The following CAMK1D variants were observed in gnomAD, a reference collection of about 807,000 sequenced individuals.
CAMK1D encodes calcium/calmodulin-dependent protein kinase type 1D.
CAMK1D carries 9 observed loss-of-function variants against 47.7 expected under a neutral mutation model. The ratio of observed to expected loss-of-function variants is 0.19; its 90% CI spans 0.11 to 0.33. The LOEUF (loss-of-function observed/expected upper bound fraction) is 0.33. Among genes scored for constraint, CAMK1D ranks in the 10% least tolerant of loss-of-function variants. The pLI, the probability that CAMK1D is intolerant of heterozygous loss-of-function variation, is 1.00. For synonymous variants in CAMK1D, 184 were observed against 184.9 expected (o/e 0.99, Z 0.04); for missense variants, 291 against 488.7 (o/e 0.60, Z 3.81).
At chr10:12,615,587 GTGTGTAT>G (rs1169486359) in intron 2 of CAMK1D, among the ~76,000 whole-genome samples, 1 of 13,358 alleles carries the variant, frequency 7.5e-5, no homozygotes, top group African/African-American at 8.6e-5. Context: ...GTGTGTGTAG[GTGTGTAT>G]TGTGTTTGCA....
At chr10:12,679,877 C>T (rs1229177303) in intron 3 of CAMK1D, among the ~76,000 whole-genome samples, 1 of 152,198 alleles carries the variant, frequency 6.6e-6, no homozygotes, top group Non-Finnish European at 1.5e-5. Context: ...AGGGTGTCTG[C>T]TCCACCAGGG....
At chr10:12,563,672 A>AGG (rs199613499) in intron 2 of CAMK1D, among the ~76,000 whole-genome samples, 4,520 of 102,994 alleles carry the variant, frequency 0.044, 113 homozygotes, top group African/African-American at 0.099. Context: ...TTTGAGAGAG[A>AGG]GAGAGAGAGA....
At chr10:12,823,384 G>A (rs973522428) in intron 8 of CAMK1D, among the ~76,000 whole-genome samples, 5 of 152,100 alleles carry the variant, frequency 3.3e-5, no homozygotes, top group Non-Finnish European at 5.9e-5. Flanking sequence ...AAGGGAAGAG[G>A]GAAGGATCAA....
chr10:12,374,937 C>T (rs923218885), intron 1 of CAMK1D, among the ~76,000 whole-genome samples: 3 of 105,970 alleles, frequency 2.8e-5, no homozygotes, highest in African/African-American at 7.1e-5. Context: ...GGTAAGACTC[C>T]GTCTCAAAAA....
Position 12,464,961 on chromosome 10 carries a change from A to T in CAMK1D, c.93-88264A>T, listed in dbSNP as rs576153164. Among the ~76,000 whole-genome samples, 4 of 152,300 alleles carry T rather than the reference A, an allele frequency of 2.6e-5. No individual in the cohort carries two copies. In the South Asian group the frequency reaches 8.3e-4, roughly 32 times the overall value. On this transcript the variant is annotated intron_variant, in intron 1 of 10. Transcript: ENST00000619168. Reference sequence around the variant, plus strand: ...ATTCAACAGCACACACATTCCTGAGACGTTCTGGATATTGGGCAAGGAATA... The same window carrying T: ...ATTCAACAGCACACACATTCCTGAGTCGTTCTGGATATTGGGCAAGGAATA...
chr10:12,366,110 A>G (rs1837827521), intron 1 of CAMK1D, among the ~76,000 whole-genome samples: 1 of 152,218 alleles, frequency 6.6e-6, no homozygotes, highest in Non-Finnish European at 1.5e-5. Context: ...CTCTTGAAAC[A>G]TAGCTGTTAT....
At chr10:12,586,845 TCATGTTCC>T (rs1837833323) in intron 2 of CAMK1D, among the ~76,000 whole-genome samples, 1 of 152,240 alleles carries the variant, frequency 6.6e-6, no homozygotes, top group African/African-American at 2.4e-5. Flanking sequence ...TCCAAGTCCC[TCATGTTCC>T]CATACTTATT....
At chr10:12,740,475 G>C (rs1835379509) in intron 3 of CAMK1D, among the ~76,000 whole-genome samples, 1 of 152,210 alleles carries the variant, frequency 6.6e-6, no homozygotes, top group South Asian at 2.1e-4. Context: ...GCAAGTGCCT[G>C]TAGTCCCAGC....
At chr10:12,449,208 T>C (rs1315085106) in intron 1 of CAMK1D, among the ~76,000 whole-genome samples, 2 of 152,132 alleles carry the variant, frequency 1.3e-5, no homozygotes. Context: ...CCTAGCAAGT[T>C]ACTCTCATTG....
intron 5 of CAMK1D, among the ~76,000 whole-genome samples, chr10:12,787,719 A>G (rs1042383839): frequency 7.9e-5 from 12 of 152,194 alleles, no homozygotes; most frequent in Non-Finnish European, 1.2e-4. Context: ...AGGTCACCAG[A>G]GGCCGGGCGC....
intron 3 of CAMK1D, among the ~76,000 whole-genome samples, chr10:12,750,223 G>A (rs1417812598): frequency 2.0e-5 from 3 of 152,014 alleles, no homozygotes; most frequent in East Asian, 1.9e-4. Context: ...ACCCTGCCCT[G>A]TCCATGTGGC....
intron 4 of CAMK1D, among the ~76,000 whole-genome samples, chr10:12,764,718 G>A (rs182863410): frequency 2.0e-5 from 3 of 152,314 alleles, no homozygotes; most frequent in African/African-American, 4.8e-5. Context: ...TGAACCATGT[G>A]GTCTTTATGA....
At chr10:12,461,255 C>T (rs372540400) in intron 1 of CAMK1D, among the ~76,000 whole-genome samples, 22 of 152,108 alleles carry the variant, frequency 1.4e-4, no homozygotes, top group Non-Finnish European at 2.4e-4. Context: ...CCGTGCTCTG[C>T]GTGTTGTGTT....
chr10:12,399,377 G>A (rs1451558724), intron 1 of CAMK1D, among the ~76,000 whole-genome samples: 6 of 152,196 alleles, frequency 3.9e-5, no homozygotes, highest in East Asian at 1.9e-4. Flanking sequence ...GGTGGCAGGC[G>A]CCTGTAATCC....
At chr10:12,825,462 A>T in intron 9 of CAMK1D, 111 bp from the exon 10 acceptor site, 2 of 1,001,938 alleles carry the variant, frequency 2.0e-6, no homozygotes, top group East Asian at 2.5e-5. Context: ...CATGAGAATG[A>T]TGTAAGGAGT....
chr10:12,547,682 T>TCTCTCACACACACACACACACACA (rs10643491), intron 1 of CAMK1D, among the ~76,000 whole-genome samples: 57 of 116,572 alleles, frequency 4.9e-4, no homozygotes, highest in African/African-American at 2.0e-3. Context: ...TTTCTCTCTC[T>TCTCTCACACACACACACACACACA]CACACACACA....
chr10:12,503,026 A>ATG (rs750367238), intron 1 of CAMK1D, among the ~76,000 whole-genome samples: 6 of 131,224 alleles, frequency 4.6e-5, no homozygotes, highest in African/African-American at 1.1e-4. Flanking sequence ...GTATATATGC[A>ATG]TGTGTGTGTG....
chr10:12,490,936 A>G (rs1249919434), intron 1 of CAMK1D, among the ~76,000 whole-genome samples: 3 of 152,244 alleles, frequency 2.0e-5, no homozygotes. Flanking sequence ...ACGATTAGGT[A>G]TCCATAAAAA....
rs533163055 is a variant in CAMK1D at position 12,396,004 on chromosome 10, G to T, written c.92+46094G>T. On this transcript the variant is annotated intron_variant, in intron 1 of 10. Transcript: ENST00000619168. ...TTCTCCTGCCTCAGCCTCCCGAGTAGCTGGGATTACAGGTGCCCGCCACCA... is the reference window on the plus strand; with the variant it reads ...TTCTCCTGCCTCAGCCTCCCGAGTATCTGGGATTACAGGTGCCCGCCACCA... Among the ~76,000 whole-genome samples, 8 of 152,048 alleles carry T rather than the reference G, an allele frequency of 5.3e-5. No homozygotes were observed. The South Asian group carries it at 1.2e-3, about 24-fold the overall frequency.
Sources: gnomAD v4.1 joint callset for allele counts (sites outside exome capture counted in the v4.1 genomes callset) on GRCh38, gnomAD v4.1.1 for gene constraint, MANE v1.5 for transcripts, NCBI Gene and HGNC (gene_info 2026-07-23, HGNC 2026-07-21) for gene names.